The following MEGF11 variants were observed in gnomAD, a reference collection of about 807,000 sequenced individuals.
MEGF11 encodes multiple epidermal growth factor-like domains protein 11.
In MEGF11, 126 loss-of-function variants were observed where a neutral mutation model predicts 146.6. The observed-to-expected ratio is 0.86, with a 90% CI of 0.74 to 1.00. The LOEUF (loss-of-function observed/expected upper bound fraction) is 1.00. Among genes scored for constraint, MEGF11 ranks in the 50% least tolerant of loss-of-function variants. The pLI is 0.00. For missense variants in MEGF11, 1,509 were observed against 1,521.2 expected, an observed-to-expected ratio of 0.99 and a Z score of 0.13; for synonymous variants, 532 against 583.4, an observed-to-expected ratio of 0.91 and a Z score of 1.27.
intron 5 of MEGF11, among the ~76,000 whole-genome samples, chr15:66,076,879 G>C (rs1221992734): frequency 2.0e-5 from 3 of 152,224 alleles, no homozygotes; most frequent in Admixed American, 6.5e-5. Context: ...CAGGGATGGA[G>C]GAAGTAGAGC....
chr15:65,924,185 GGAGGGAGGGTGGAACCACCGGAGAGGGGA>G (rs1432825368), intron 13 of MEGF11, among the ~76,000 whole-genome samples: 1 of 152,010 alleles, frequency 6.6e-6, no homozygotes, highest in East Asian at 1.9e-4. Flanking sequence ...CGAGGAGAGG[GGAGGGAGGGTGGAACCACCGGAGAGGGGA>G]GAGGGAGGGA....
At chr15:66,232,474 C>T (rs1306723744) in intron 1 of MEGF11, among the ~76,000 whole-genome samples, 7 of 152,132 alleles carry the variant, frequency 4.6e-5, no homozygotes, top group African/African-American at 1.7e-4. Flanking sequence ...GAGCTCCACC[C>T]TTCTCTTTGC....
intron 1 of MEGF11, among the ~76,000 whole-genome samples, chr15:66,135,629 G>C (rs12442373): frequency 0.71 from 107,689 of 152,104 alleles, 39,224 homozygotes; most frequent in South Asian, 0.92. Context: ...AATGTCCCAG[G>C]AGATCCCCTG....
Position 65,909,139 on chromosome 15 carries a change from G to A in MEGF11, c.2897-4C>T. 1 of 1,523,744 alleles carries A rather than the reference G, an allele frequency of 6.6e-7. No homozygotes were observed. Among genetic ancestry groups the A allele is most frequent in the Non-Finnish European group, 8.8e-7 (1 of 1,135,672 alleles). The allele number at this position is 1,523,744 out of a possible 1,614,324, so 94.4% of individuals were successfully genotyped here. ...GCACTGATCTGGAAATGGGAGTCTA[G>A]TGAGAGGAATGACAGGGAGGAGCCA... On this transcript the variant is annotated splice_region_variant and splice_polypyrimidine_tract_variant and intron_variant, in intron 22 of 25. Transcript: ENST00000395614.
rs190417034 is a variant in MEGF11 at position 66,103,783 on chromosome 15, A to G, written c.302-9289T>C. Reference sequence around the variant, plus strand: ...AGTAGAACAGCACATCGTAGTCTTTAGCTAGTTAAAGTGCAAGGCAGGGCT... The same window carrying G: ...AGTAGAACAGCACATCGTAGTCTTTGGCTAGTTAAAGTGCAAGGCAGGGCT... On this transcript the variant is annotated intron_variant, in intron 4 of 25. Coordinates refer to ENST00000395614, the MANE Select transcript of MEGF11 (RefSeq NM_001385028.1). Among the ~76,000 whole-genome samples, 1,100 of 152,344 alleles carry G rather than the reference A, an allele frequency of 7.2e-3. 4 individuals carry two copies. The highest frequency in any genetic ancestry group is 0.017 in the Middle Eastern group (5 of 294).
chr15:65,900,272 G>C (rs118190690), intron 24 of MEGF11, among the ~76,000 whole-genome samples: 1 of 152,242 alleles, frequency 6.6e-6, no homozygotes, highest in African/African-American at 2.4e-5. Context: ...TTACATTTTG[G>C]GCTGCTATTT....
chr15:66,110,937 C>T (rs893849383), intron 4 of MEGF11, among the ~76,000 whole-genome samples: 6 of 152,134 alleles, frequency 3.9e-5, no homozygotes, highest in Non-Finnish European at 7.4e-5. Context: ...CAGTCCCCTC[C>T]TCCCCCTCCA....
chr15:65,982,248 C>G lies in MEGF11; in HGVS notation c.635G>C (p.Gly212Ala). 6.5e-7 allele frequency: 1 copy of G among 1,541,508 alleles called. No homozygotes were observed. Among genetic ancestry groups the G allele is most frequent in the Non-Finnish European group, 8.7e-7 (1 of 1,145,770 alleles). ...GTCCTGCCGCATGACTCACTAGACG[C>G]CGGTGTAGCCAGGTGCGCAGAGGCA... The part of the protein sequence containing the change: ...GECLCAPGYT[G>A]VYCEELCPPG... Residue 212 changes from glycine to alanine, a missense_variant, in exon 6 of 26, where the codon GGC (glycine) becomes GCC (alanine). Coordinates refer to ENST00000395614, the MANE Select transcript of MEGF11 (RefSeq NM_001385028.1). This position sits in a 1 kb window ranked among gnomAD's most constrained non-coding sequence, Gnocchi z 5.6.
intron 5 of MEGF11, among the ~76,000 whole-genome samples, chr15:66,052,380 A>G (rs943901023): frequency 2.6e-5 from 4 of 152,144 alleles, no homozygotes; most frequent in Non-Finnish European, 5.9e-5. Flanking sequence ...AGCTCCACAG[A>G]AGGGATGCCT....
intron 5 of MEGF11, among the ~76,000 whole-genome samples, chr15:66,089,143 C>T (rs2086225342): frequency 6.6e-6 from 1 of 152,152 alleles, no homozygotes; most frequent in South Asian, 2.1e-4. Context: ...CTGCAGATAG[C>T]TTAAAGCCAA....
chr15:66,064,994 T>A (rs1428295262), intron 5 of MEGF11, among the ~76,000 whole-genome samples: 1 of 152,142 alleles, frequency 6.6e-6, no homozygotes, highest in Non-Finnish European at 1.5e-5. Flanking sequence ...TAAGCCCTCT[T>A]CCTCCTGGTC....
chr15:66,177,652 C>T (rs1382052), intron 1 of MEGF11, among the ~76,000 whole-genome samples: 50,733 of 151,366 alleles, frequency 0.34, 9,062 homozygotes, highest in East Asian at 0.48. Context: ...ACCCTGTCTG[C>T]CCCCTTCCCC....
chr15:66,001,929 G>T (rs559484769), intron 5 of MEGF11, among the ~76,000 whole-genome samples: 1 of 152,288 alleles, frequency 6.6e-6, no homozygotes, highest in African/African-American at 2.4e-5. Flanking sequence ...CTGGCTGAGA[G>T]CTCTGCGGTC....
At chr15:66,146,058 G>A (rs2089358659) in intron 1 of MEGF11, among the ~76,000 whole-genome samples, 1 of 152,102 alleles carries the variant, frequency 6.6e-6, no homozygotes, top group African/African-American at 2.4e-5. Flanking sequence ...TGGGTGTTGT[G>A]TCATATCCTT....
intron 5 of MEGF11, among the ~76,000 whole-genome samples, chr15:66,029,457 C>T (rs1017651077): frequency 6.6e-6 from 1 of 152,232 alleles, no homozygotes; most frequent in Admixed American, 6.5e-5. Flanking sequence ...CCAGTTTTCA[C>T]CTGCTGGCCT....
Position 66,218,602 on chromosome 15 carries a change from C to T in MEGF11, c.-9+35003G>A, listed in dbSNP as rs144752778. On this transcript the variant is annotated intron_variant, in intron 1 of 25. Coordinates refer to ENST00000395614, the MANE Select transcript of MEGF11 (RefSeq NM_001385028.1). Reference sequence around the variant, plus strand: ...TTTTACTGCCAAAATGTGGAACTTTCGTTTTTGATTGTTTGCTTGCCTGTC... The same window carrying T: ...TTTTACTGCCAAAATGTGGAACTTTTGTTTTTGATTGTTTGCTTGCCTGTC... 4.9e-3 allele frequency among the ~76,000 whole-genome samples: 746 copies of T among 152,274 alleles called. 3 individuals carry two copies. Among genetic ancestry groups the T allele is most frequent in the Middle Eastern group, 0.014 (4 of 294 alleles).
intron 1 of MEGF11, among the ~76,000 whole-genome samples, chr15:66,253,006 G>A: frequency 6.6e-6 from 1 of 152,226 alleles, no homozygotes; most frequent in Non-Finnish European, 1.5e-5. Context: ...CTATGGGATG[G>A]GAAAGAAATA....
chr15:66,119,415 C>T (rs1415012177), intron 3 of MEGF11, among the ~76,000 whole-genome samples: 1 of 152,190 alleles, frequency 6.6e-6, no homozygotes, highest in Non-Finnish European at 1.5e-5. Flanking sequence ...TGACTTTTCC[C>T]CAGTCACTTC....
intron 5 of MEGF11, among the ~76,000 whole-genome samples, chr15:66,029,700 A>T (rs913775499): frequency 2.0e-5 from 3 of 152,138 alleles, no homozygotes; most frequent in Non-Finnish European, 2.9e-5. Context: ...TCCATGAGTT[A>T]CCTCTGTCCT....
Sources: gnomAD v4.1 joint callset for allele counts (sites outside exome capture counted in the v4.1 genomes callset) on GRCh38, gnomAD v4.1.1 for gene constraint, Gnocchi (gnomAD v3.1) non-coding constraint, MANE v1.5 for transcripts, NCBI Gene and HGNC (gene_info 2026-07-23, HGNC 2026-07-21) for gene names.